CREBBP: variants seen among roughly 807,000 people sequenced by gnomAD.
CREBBP encodes CREB-binding protein.
In CREBBP, 19 loss-of-function variants were observed where a neutral mutation model predicts 265.0. That is an observed-to-expected ratio of 0.07 (90% CI 0.05 to 0.11). CREBBP has a LOEUF of 0.11. Among genes scored for constraint, CREBBP ranks in the 10% least tolerant of loss-of-function variants. CREBBP has a pLI of 1.00. For synonymous variants in CREBBP, 1,457 were observed against 1,223.7 expected (o/e 1.19, Z -3.98); for missense variants, 2,525 against 3,219.0 (o/e 0.78, Z 5.22).
chr16:3,768,546 A>C (rs2052921174), intron 15 of CREBBP, among the ~76,000 whole-genome samples: 1 of 152,174 alleles, frequency 6.6e-6, no homozygotes, highest in African/African-American at 2.4e-5. Flanking sequence ...TCTCCTTGAA[A>C]GTTGGGGCAG....
chr16:3,790,362 C>T (rs1448468668), intron 5 of CREBBP, among the ~76,000 whole-genome samples: 2 of 137,624 alleles, frequency 1.5e-5, no homozygotes, highest in African/African-American at 5.3e-5. Context: ...TTTTAGGAAA[C>T]TGGCTTTTTT....
intron 2 of CREBBP, among the ~76,000 whole-genome samples, chr16:3,817,522 A>T (rs928697460): frequency 6.6e-6 from 1 of 152,208 alleles, no homozygotes; most frequent in Non-Finnish European, 1.5e-5. Flanking sequence ...AGTCTCGTAA[A>T]AAAGTTAGTA....
intron 4 of CREBBP, among the ~76,000 whole-genome samples, chr16:3,793,128 A>C (rs758155275): frequency 2.6e-5 from 4 of 152,232 alleles, no homozygotes. Flanking sequence ...GAAAAGAACA[A>C]ATACGGGGCA....
Position 3,818,452 on chromosome 16 carries a change from C to T in CREBBP, c.799-7673G>A, listed in dbSNP as rs139824197. On this transcript the variant is annotated intron_variant, in intron 2 of 30. Transcript: ENST00000262367. ...CCTCCTGAGTAGCTGGGACTACAGG[C>T]GCGTGCCACCACGCCTGGCTAATTT... 7.6e-3 allele frequency among the ~76,000 whole-genome samples: 1,156 copies of T among 151,994 alleles called. 18 individuals carry two copies. Among genetic ancestry groups the T allele is most frequent in the African/African-American group, 0.026 (1,059 of 41,504 alleles).
At chr16:3,796,315 A>C (rs1217676278) in intron 3 of CREBBP, among the ~76,000 whole-genome samples, 1 of 152,082 alleles carries the variant, frequency 6.6e-6, no homozygotes, top group Non-Finnish European at 1.5e-5. Flanking sequence ...TCCTGGGCTC[A>C]ACTGATCTTC....
At chr16:3,737,865 C>A (rs2052106721) in intron 26 of CREBBP, among the ~76,000 whole-genome samples, 1 of 152,018 alleles carries the variant, frequency 6.6e-6, no homozygotes, top group Non-Finnish European at 1.5e-5. Flanking sequence ...CAGCTCACTG[C>A]AACCCCCCGC....
At chr16:3,828,217 C>G (rs62039073) in intron 2 of CREBBP, among the ~76,000 whole-genome samples, 4 of 152,012 alleles carry the variant, frequency 2.6e-5, no homozygotes. Context: ...CTCAGCCTCC[C>G]GAGTAGCTGA....
At position 3,858,908 on chromosome 16, in the gene CREBBP, G is replaced by A. The variant is rs148073407; in HGVS notation, c.86-7899C>T. The stretch of plus-strand genomic sequence containing the variant: ...ATAATGTAGGATGAGCAACAGTAGT[G>A]TAAGAAATAAGCATGTAAGAGTTCA... On this transcript the variant is annotated intron_variant, in intron 1 of 30. Transcript: ENST00000262367. 1.8e-3 allele frequency among the ~76,000 whole-genome samples: 269 copies of A among 152,328 alleles called. 2 individuals are homozygous for A. The highest frequency in any genetic ancestry group is 6.2e-3 in the African/African-American group (259 of 41,576).
chr16:3,727,725 C>A lies in CREBBP; in HGVS notation c.7322G>T (p.Gly2441Val). ...TGDTLEKFVEGL is the reference protein window; with the variant it reads ...TGDTLEKFVEVL ...GGTGATGCTCTCACAATGCTACAAG[C>A]CCTCCACAAACTTCTCTAGCGTGTC... is the stretch of plus-strand genomic sequence containing the variant. Residue 2441 changes from glycine (G) to valine (V), a missense_variant, in exon 31 of 31, where the codon GGC becomes GTC. By Grantham distance (109) the Gly-to-Val change is moderately radical. This residue lies in a region of CREBBP where 473 missense variants were observed against 459.3 expected (regional missense o/e 1.03). Coordinates refer to ENST00000262367, the MANE Select transcript of CREBBP (RefSeq NM_004380.3). 1 of 1,614,060 alleles carries A rather than the reference C, an allele frequency of 6.2e-7. No homozygotes were observed. The highest frequency in any genetic ancestry group is 8.5e-7 in the Non-Finnish European group (1 of 1,180,034).
intron 2 of CREBBP, among the ~76,000 whole-genome samples, chr16:3,849,432 T>TGTGTGTGTGTGTGTGTGTGTGTGTGTG (rs2054754744): frequency 1.1e-4 from 1 of 9,078 alleles, no homozygotes; most frequent in Non-Finnish European, 1.1e-3. Flanking sequence ...TGTGTGTGTG[T>TGTGTGTGTGTGTGTGTGTGTGTGTGTG]GTGTGTGTGT....
At position 3,729,701 on chromosome 16, in the gene CREBBP, C is replaced by A. The variant is rs533040964; in HGVS notation, c.5346G>T (p.Ala1782=). The A allele has an allele frequency of 6.2e-7, 1 of 1,612,264 alleles. No individual in the cohort carries two copies. The part of the protein sequence containing the change: ...IQRCIQSLVH[A]CQCRNANCSL... ...AGCAGTTGGCGTTGCGGCACTGGCACGCGTGCACCAGCGACTGGATGCAGC... is the reference window on the plus strand; with the variant it reads ...AGCAGTTGGCGTTGCGGCACTGGCAAGCGTGCACCAGCGACTGGATGCAGC... Residue 1782 remains alanine, a synonymous_variant, in exon 31 of 31, where the codon GCG becomes GCT. Transcript: ENST00000262367.
chr16:3,802,406 A>C (rs1011926840), intron 3 of CREBBP, among the ~76,000 whole-genome samples: 3 of 152,040 alleles, frequency 2.0e-5, no homozygotes, highest in Non-Finnish European at 4.4e-5. Flanking sequence ...TGCTGGGATT[A>C]CAGGAGTGAG....
intron 23 of CREBBP, chr16:3,741,407 G>C (rs1006591274): frequency 6.6e-6 from 1 of 152,334 alleles, no homozygotes; most frequent in East Asian, 1.9e-4. Context: ...ATTCCTTAGC[G>C]AGCTAGAAAA....
chr16:3,755,494 T>C (rs2052565528), intron 19 of CREBBP, among the ~76,000 whole-genome samples: 1 of 152,216 alleles, frequency 6.6e-6, no homozygotes, highest in African/African-American at 2.4e-5. Flanking sequence ...GTTTTTAAAG[T>C]GCATTCCTAT....
At position 3,773,865 on chromosome 16, in the gene CREBBP, C is replaced by G. The variant is rs540177346; in HGVS notation, c.2349G>C (p.Met783Ile). The G allele has an allele frequency of 6.8e-6, 11 of 1,612,228 alleles. No homozygotes were observed. Among genetic ancestry groups the G allele is most frequent in the Admixed American group, 5.0e-5 (3 of 60,006 alleles). ...GGCTCTGAGCGGGCGCCTGGGCCAT[C>G]ATGTTGTTGGTGTGTGCACCCATCA... ...PNMMGAHTNN[M>I]MAQAPAQSQF... Residue 783 changes from methionine (M) to isoleucine (I), a missense_variant, in exon 13 of 31, where the codon ATG becomes ATC. Transcript: ENST00000262367.
intron 2 of CREBBP, among the ~76,000 whole-genome samples, chr16:3,829,919 G>C (rs147406478): frequency 2.6e-3 from 393 of 151,848 alleles, no homozygotes; most frequent in African/African-American, 9.1e-3. Flanking sequence ...CAGGAAGGGA[G>C]AAAAAAAGGA....
chr16:3,871,737 A>C (rs923378615), intron 1 of CREBBP, among the ~76,000 whole-genome samples: 4 of 152,246 alleles, frequency 2.6e-5, no homozygotes, highest in Admixed American at 6.5e-5. Context: ...GCAGCTTGTG[A>C]ATTATAAAAA....
Position 3,879,967 on chromosome 16 carries a change from G to A in CREBBP, c.-51C>T, listed in dbSNP as rs761769714. 1.7e-5 allele frequency: 26 copies of A among 1,547,810 alleles called. No homozygotes were observed. In the Admixed American group the frequency reaches 2.8e-4, roughly 17 times the overall value. On this transcript the variant is annotated 5_prime_UTR_variant, in exon 1 of 31. Coordinates refer to ENST00000262367, the MANE Select transcript of CREBBP (RefSeq NM_004380.3). ...CGGGCACGGGCGGCCGGGCCGGCGA[G>A]GGCCCGGACGGGGGTCGGGGGCCCT... is the stretch of plus-strand genomic sequence containing the variant.
At position 3,850,477 on chromosome 16, in the gene CREBBP, C is replaced by T. The variant is rs751351481; in HGVS notation, c.618G>A (p.Ala206=). 4.3e-6 allele frequency: 7 copies of T among 1,614,132 alleles called. No homozygotes were observed. The highest frequency in any genetic ancestry group is 1.1e-5 in the South Asian group (1 of 91,094). The change falls in exon 2 of 31, where the codon GCG becomes GCA. Residue 206 remains alanine (A), a synonymous_variant. Transcript: ENST00000262367. The part of the protein sequence containing the change: ...SLINQASQGQ[A]QVMNGSLGAA... ...CCCCAAGAGATCCATTCATGACTTG[C>T]GCCTGCCCTTGTGAAGCCTGATTAA...
Sources: allele counts gnomAD v4.1 joint callset (sites outside exome capture counted in the v4.1 genomes callset), GRCh38; gene constraint gnomAD v4.1.1; regional missense constraint gnomAD v4.1.1; transcripts MANE v1.5; gene names NCBI Gene and HGNC (gene_info 2026-07-23, HGNC 2026-07-21).